Variants in RNF115 observed in about 807,000 individuals in gnomAD.
RNF115 encodes ring finger protein 115.
Under a neutral mutation model 39.2 loss-of-function variants are expected in RNF115, and 31 were observed. The observed-to-expected ratio is 0.79, with a 90% confidence interval of 0.59 to 1.07. The LOEUF (loss-of-function observed/expected upper bound fraction) is 1.07, where lower values mean the gene tolerates loss of function less well. RNF115 is among the 50% of genes least tolerant of loss of function. The probability of loss-of-function intolerance (pLI) is 0.00; values close to 1 mark genes in which losing one functional copy is unlikely to be tolerated. For synonymous variants in RNF115, 124 were observed against 131.0 expected, an observed-to-expected ratio of 0.95 and a Z score of 0.37; for missense variants, 384 against 381.7, an observed-to-expected ratio of 1.01 and a Z score of -0.05.
chr1:145,795,791 T>C (rs1265088681), intron 1 of RNF115, among the ~76,000 whole-genome samples: 1 of 152,224 alleles, frequency 6.6e-6, no homozygotes, highest in Non-Finnish European at 1.5e-5. Context: ...TTCTAAATAG[T>C]TATATTTTGA....
intron 4 of RNF115, among the ~76,000 whole-genome samples, chr1:145,754,415 A>G (rs782148682): frequency 9.9e-5 from 15 of 151,868 alleles, no homozygotes; most frequent in African/African-American, 3.4e-4. Context: ...GTGCAGAGGC[A>G]CCATCTCAGC....
At chr1:145,765,244 C>T (rs1270685275) in intron 4 of RNF115, among the ~76,000 whole-genome samples, 1 of 151,978 alleles carries the variant, frequency 6.6e-6, no homozygotes, top group East Asian at 1.9e-4. Context: ...GAGTCATCAC[C>T]ACTCCCTAAT....
intron 1 of RNF115, among the ~76,000 whole-genome samples, chr1:145,791,376 G>A (rs1362472082): frequency 6.6e-6 from 1 of 151,194 alleles, no homozygotes; most frequent in African/African-American, 2.4e-5. Context: ...ATTAGCCATG[G>A]TGGCACATGC....
chr1:145,820,064 A>C (rs1553724201), intron 1 of RNF115, among the ~76,000 whole-genome samples: 1 of 145,778 alleles, frequency 6.9e-6, no homozygotes, highest in African/African-American at 2.5e-5. Context: ...AAAAATTAAA[A>C]GCTAATCTAC....
chr1:145,789,018 GGTATCT>G (rs1434818159), intron 1 of RNF115, 52 bp from the exon 2 acceptor site: 1 of 1,132,082 alleles, frequency 8.8e-7, no homozygotes, highest in Non-Finnish European at 1.3e-6. Context: ...AAAGCTACGT[GGTATCT>G]GTAGTTTCAG....
chr1:145,823,968 C>T lies in RNF115; in HGVS notation c.-95G>A, dbSNP rs1650458093. The T allele has an allele frequency of 7.9e-6, 7 of 884,048 alleles. No individual in the cohort carries two copies. Among genetic ancestry groups the T allele is most frequent in the South Asian group, 4.3e-5 (2 of 46,366 alleles). 54.8% of individuals were successfully genotyped at this position (884,048 alleles called of 1,614,324 possible). On this transcript the variant is annotated 5_prime_UTR_variant, in exon 1 of 9. Transcript: ENST00000582693. ...CTGCAGTCGTCGCCGCCGCCGCCGC[C>T]TCGGTGCGGCCCACCGCTTCAGAGC...
At chr1:145,806,117 GC>G (rs1277226320) in intron 1 of RNF115, among the ~76,000 whole-genome samples, 1 of 152,140 alleles carries the variant, frequency 6.6e-6, no homozygotes, top group African/African-American at 2.4e-5. Flanking sequence ...GGAAGCTGAG[GC>G]GGGTGGATCA....
At chr1:145,801,113 G>C (rs1649224664) in intron 1 of RNF115, among the ~76,000 whole-genome samples, 1 of 152,138 alleles carries the variant, frequency 6.6e-6, no homozygotes, top group Admixed American at 6.5e-5. Flanking sequence ...AGGGCTTGCA[G>C]TGAGCCAAGA....
At chr1:145,760,995 T>A (rs1171806040) in intron 4 of RNF115, among the ~76,000 whole-genome samples, 2 of 152,188 alleles carry the variant, frequency 1.3e-5, no homozygotes, top group African/African-American at 4.8e-5. Flanking sequence ...CAAAGAAGAC[T>A]CTTGTTATGT....
rs587643877 is a variant in RNF115 at position 145,784,885 on chromosome 1, G to C, written c.162-289C>G. Among the ~76,000 whole-genome samples, 3 of 152,220 alleles carry C rather than the reference G, an allele frequency of 2.0e-5. No individual in the cohort carries two copies. The South Asian group carries it at 6.2e-4, about 32-fold the overall frequency. On this transcript the variant is annotated intron_variant, in intron 2 of 8. Coordinates refer to ENST00000582693, the MANE Select transcript of RNF115 (RefSeq NM_014455.4). Reference sequence around the variant, plus strand: ...ACAGGCAGCAATGCAATTCGGATTTGACCTATCAAAAGACAAATATTTATC... The same window carrying C: ...ACAGGCAGCAATGCAATTCGGATTTCACCTATCAAAAGACAAATATTTATC...
intron 8 of RNF115, among the ~76,000 whole-genome samples, chr1:145,747,273 G>C (rs900146888): frequency 6.6e-6 from 1 of 152,140 alleles, no homozygotes; most frequent in Non-Finnish European, 1.5e-5. Flanking sequence ...ACCAGAAACA[G>C]TGAGTGATCT....
chr1:145,743,588 T>G lies in RNF115; in HGVS notation c.*3278A>C, dbSNP rs1657753120. ...TGAGGTCTAGAGTTCAAGACCAGCC[T>G]GGCCAACAAGGTAAAACCTTGTCTC... On this transcript the variant is annotated 3_prime_UTR_variant, in exon 9 of 9. Coordinates refer to ENST00000582693, the MANE Select transcript of RNF115 (RefSeq NM_014455.4). 6.6e-6 allele frequency: 1 copy of G among 152,088 alleles called. No homozygotes were observed. Among genetic ancestry groups the G allele is most frequent in the African/African-American group, 2.4e-5 (1 of 41,474 alleles). The allele number at this position is 152,088 out of a possible 1,614,324, so 9.4% of individuals were successfully genotyped here.
intron 4 of RNF115, among the ~76,000 whole-genome samples, chr1:145,761,378 T>TG (rs1211457045): frequency 2.6e-5 from 4 of 151,798 alleles, no homozygotes; most frequent in South Asian, 2.1e-4. Flanking sequence ...GAGGAAAAAG[T>TG]GGTTTTGTGG....
intron 1 of RNF115, among the ~76,000 whole-genome samples, chr1:145,794,445 G>GT (rs1553719500): frequency 6.8e-6 from 1 of 146,410 alleles, no homozygotes; most frequent in Non-Finnish European, 1.5e-5. Context: ...AAAGCTTCCT[G>GT]TAACTAGAAC....
intron 4 of RNF115, among the ~76,000 whole-genome samples, 168 bp from the exon 5 acceptor site, chr1:145,753,217 T>A (rs904827256): frequency 6.6e-6 from 1 of 152,186 alleles, no homozygotes; most frequent in Non-Finnish European, 1.5e-5. Flanking sequence ...CGGTGTGCTA[T>A]TTTGCTATTA....
At chr1:145,796,761 C>T (rs185429400) in intron 1 of RNF115, among the ~76,000 whole-genome samples, 5 of 152,246 alleles carry the variant, frequency 3.3e-5, no homozygotes, top group African/African-American at 7.2e-5. Context: ...TCTCCAGAAC[C>T]TTCTCATCTT....
Position 145,750,415 on chromosome 1 carries a change from TC to T in RNF115, c.658del (p.Glu220AsnfsTer7), listed in dbSNP as rs1189412430. ...TATAAAAATGAACCTACCAACTTGT[TC>T]CTGAGTTACTGTCACTGTTGGAAGA... ...TSLPTVTVTQEQVDMGLECPV... is the reference protein window; with the variant it reads ...TSLPTVTVTQXQVDMGLECPV... On this transcript the variant is annotated frameshift_variant, in exon 7 of 9. Coordinates refer to ENST00000582693, the MANE Select transcript of RNF115 (RefSeq NM_014455.4). LOFTEE classifies it high-confidence loss of function. 7 of 1,612,156 alleles carry T rather than the reference TC, an allele frequency of 4.3e-6. No individual in the cohort carries two copies. The highest frequency in any genetic ancestry group is 1.3e-5 in the African/African-American group (1 of 74,862).
At chr1:145,747,651 T>C (rs587698782) in intron 8 of RNF115, among the ~76,000 whole-genome samples, 2 of 151,990 alleles carry the variant, frequency 1.3e-5, no homozygotes, top group South Asian at 4.2e-4. Context: ...TCAAAACAAA[T>C]ACATAAGGGA....
At chr1:145,753,558 G>T (rs1240464289) in intron 4 of RNF115, among the ~76,000 whole-genome samples, 5 of 152,138 alleles carry the variant, frequency 3.3e-5, no homozygotes, top group Admixed American at 3.3e-4. Context: ...ACACACACAT[G>T]CTTAGCATTT....
Sources: gnomAD v4.1 joint callset for allele counts (sites outside exome capture counted in the v4.1 genomes callset) on GRCh38, gnomAD v4.1.1 for gene constraint, MANE v1.5 for transcripts, NCBI Gene and HGNC (gene_info 2026-07-23, HGNC 2026-07-21) for gene names.